MROH2B: variants seen among roughly 807,000 people sequenced by gnomAD.
MROH2B encodes the protein maestro heat like repeat family member 2B, also known as maestro heat-like repeat-containing protein family member 2B.
In MROH2B, 177 loss-of-function variants were observed where a neutral mutation model predicts 208.6. The ratio of observed to expected loss-of-function variants is 0.85; its 90% CI spans 0.75 to 0.96. The LOEUF (loss-of-function observed/expected upper bound fraction) is 0.96, where lower values mean the gene tolerates loss of function less well. Among genes scored for constraint, MROH2B ranks in the 40% least tolerant of loss-of-function variants. The pLI is 0.00. For synonymous variants in MROH2B, 728 were observed against 659.0 expected, an observed-to-expected ratio of 1.10 and a Z score of -1.60; for missense variants, 2,002 against 1,878.7, an observed-to-expected ratio of 1.07 and a Z score of -1.21.
intron 21 of MROH2B, 43 bp from the exon 22 acceptor site, chr5:41,033,907 A>G: frequency 6.5e-7 from 1 of 1,548,672 alleles, no homozygotes; most frequent in Non-Finnish European, 8.7e-7. Context: ...AATGAGTGGC[A>G]TTGAGAGATA....
At position 41,047,724 on chromosome 5, in the gene MROH2B, A is replaced by C. The variant is rs757823367; in HGVS notation, c.1725T>G (p.Leu575=). ...ISTVLWETML[L]QLLKESLWKI... ...TTATTCTAGAAGCCAGCCTTACCTG[A>C]AGCAGCATGGTTTCCCATAGAACGG... Residue 575 remains leucine, a synonymous_variant, in exon 17 of 42, where the codon CTT becomes CTG. Coordinates refer to ENST00000399564, the MANE Select transcript of MROH2B (RefSeq NM_173489.5). 1 of 1,595,158 alleles carries C rather than the reference A, an allele frequency of 6.3e-7. No homozygotes were observed. The highest frequency in any genetic ancestry group is 1.1e-5 in the South Asian group (1 of 87,598).
chr5:41,069,760 G>C lies in MROH2B; in HGVS notation c.29-8C>G, dbSNP rs756940079. The C allele has an allele frequency of 1.3e-6, 2 of 1,584,406 alleles. No homozygotes were observed. The highest frequency in any genetic ancestry group is 1.1e-5 in the South Asian group (1 of 87,954). ...TAATATCCCCAAACATCTCTAAAAC[G>C]TACAGAAAAATATGAATTGAAATAT... On this transcript the variant is annotated splice_region_variant and splice_polypyrimidine_tract_variant and intron_variant, in intron 1 of 41. Coordinates refer to ENST00000399564, the MANE Select transcript of MROH2B (RefSeq NM_173489.5).
At chr5:41,054,311 C>A (rs1192988844) in intron 11 of MROH2B, among the ~76,000 whole-genome samples, 1 of 152,176 alleles carries the variant, frequency 6.6e-6, no homozygotes, top group African/African-American at 2.4e-5. Flanking sequence ...GAATATTGAG[C>A]AATCCGCTAT....
At chr5:41,008,200 T>A (rs186976954) in intron 33 of MROH2B, among the ~76,000 whole-genome samples, 4 of 152,350 alleles carry the variant, frequency 2.6e-5, no homozygotes, top group African/African-American at 9.6e-5. Context: ...GTTTTCTCAA[T>A]GGTATGCAAA....
chr5:40,998,741 G>T (rs1741290715), intron 40 of MROH2B, 64 bp from the exon 41 acceptor site: 2 of 1,403,626 alleles, frequency 1.4e-6, no homozygotes, highest in Non-Finnish European at 9.9e-7. Flanking sequence ...GAAAAGTATA[G>T]CAGGTTAGAC....
At chr5:41,026,272 T>C (rs1742356672) in intron 24 of MROH2B, among the ~76,000 whole-genome samples, 1 of 152,190 alleles carries the variant, frequency 6.6e-6, no homozygotes, top group African/African-American at 2.4e-5. Context: ...GACATGATTG[T>C]ATATCTAGAA....
At chr5:41,005,705 C>G in intron 34 of MROH2B, 60 bp from the exon 35 acceptor site, 1 of 1,355,504 alleles carries the variant, frequency 7.4e-7, no homozygotes, top group African/African-American at 1.4e-5. Context: ...AAATCTTAGT[C>G]TGTTTGTTCA....
chr5:41,040,405 G>A (rs760306205), intron 19 of MROH2B, among the ~76,000 whole-genome samples: 19 of 152,138 alleles, frequency 1.2e-4, no homozygotes, highest in Non-Finnish European at 2.1e-4. Context: ...ATGAAAACTC[G>A]TAGACTAGAC....
Position 40,998,688 on chromosome 5 carries a change from T to C in MROH2B, c.4586-11A>G. The C allele has an allele frequency of 6.4e-7, 1 of 1,570,110 alleles. No individual in the cohort carries two copies. Among genetic ancestry groups the C allele is most frequent in the Non-Finnish European group, 8.7e-7 (1 of 1,155,220 alleles). On this transcript the variant is annotated splice_polypyrimidine_tract_variant and intron_variant, in intron 40 of 41. Coordinates refer to ENST00000399564, the MANE Select transcript of MROH2B (RefSeq NM_173489.5). ...TGAGAACAACGGCATCTAAAGTTAA[T>C]AGGAGACCATGTTACTGATTTCATT...
intron 24 of MROH2B, among the ~76,000 whole-genome samples, chr5:41,021,856 A>G (rs1414525695): frequency 6.6e-6 from 1 of 152,154 alleles, no homozygotes; most frequent in Non-Finnish European, 1.5e-5. Flanking sequence ...AGCCTGGATG[A>G]CAGAGTGAGA....
At chr5:41,046,982 T>C (rs1488122193) in intron 17 of MROH2B, among the ~76,000 whole-genome samples, 2 of 152,100 alleles carry the variant, frequency 1.3e-5, no homozygotes, top group African/African-American at 4.8e-5. Flanking sequence ...GGAAGGGAGA[T>C]AGGAGGCAGA....
At chr5:41,012,497 C>T in intron 30 of MROH2B, 86 bp downstream of exon 30, 3 of 1,413,868 alleles carry the variant, frequency 2.1e-6, no homozygotes, top group African/African-American at 1.4e-5. Flanking sequence ...TGCTGCCCAT[C>T]AGTGGACAAA....
rs1243113662 is a variant in MROH2B, at chr5:41,007,377, T to TC, written c.3685dup (p.Asp1229GlyfsTer11). 2.6e-6 allele frequency: 4 copies of TC among 1,550,920 alleles called. No individual in the cohort carries two copies. The highest frequency in any genetic ancestry group is 2.4e-5 in the East Asian group (1 of 41,696). ...ACTGCTGAGTAGAGTCCATAAGTTG[T>TC]CCCCCTCATCAGATTCCTTTGCAAG... is the stretch of plus-strand genomic sequence containing the variant. On this transcript the variant is annotated frameshift_variant, in exon 34 of 42. Coordinates refer to ENST00000399564, the MANE Select transcript of MROH2B (RefSeq NM_173489.5). LOFTEE classifies it high-confidence loss of function.
At chr5:41,029,160 C>T (rs978887172) in intron 24 of MROH2B, among the ~76,000 whole-genome samples, 1 of 151,988 alleles carries the variant, frequency 6.6e-6, no homozygotes, top group African/African-American at 2.4e-5. Flanking sequence ...TTGATAACAG[C>T]TATCTTAACA....
At chr5:40,998,565 C>T in intron 41 of MROH2B, 47 bp downstream of exon 41, 1 of 1,473,910 alleles carries the variant, frequency 6.8e-7, no homozygotes, top group Non-Finnish European at 9.3e-7. Flanking sequence ...TTTCTCTTTT[C>T]CTAAGAATGT....
Position 40,998,666 on chromosome 5 carries a change from GAAC to G in MROH2B, c.4594_4596del (p.Val1532del). On this transcript the variant is annotated inframe_deletion, in exon 41 of 42. Transcript: ENST00000399564. The stretch of plus-strand genomic sequence containing the variant: ...TCCACATATTGGCTGGTCAAATTGA[GAAC>G]AACGGCATCTAAAGTTAATAGGAGA... 1 of 1,584,778 alleles carries G rather than the reference GAAC, an allele frequency of 6.3e-7. No homozygotes were observed. The highest frequency in any genetic ancestry group is 1.3e-5 in the African/African-American group (1 of 74,574).
chr5:41,000,865 T>A (rs1741377207), intron 37 of MROH2B, 32 bp from the exon 38 acceptor site: 3 of 1,590,972 alleles, frequency 1.9e-6, no homozygotes, highest in Non-Finnish European at 2.6e-6. Context: ...GTGGTGAATA[T>A]CCTCTCAGAG....
In MROH2B at chr5:41,045,746, C is replaced by A. The variant is rs1416000045; in HGVS notation, c.1836G>T (p.Lys612Asn). Residue 612 changes from lysine (K) to asparagine (N), a missense_variant and splice_region_variant, in exon 18 of 42, where the codon AAG (lysine) becomes AAT (asparagine). Lys to Asn is a moderately conservative substitution (Grantham distance 94, BLOSUM62 0). Coordinates refer to ENST00000399564, the MANE Select transcript of MROH2B (RefSeq NM_173489.5). ...GTTTCCCCTCAGCTGAAAAACCAAC[C>A]TTCTCAGTGGAGTTATTGCTGTAAC... The part of the protein sequence containing the change: ...MGSYSNNSTE[K>N]KFLWKALGTT... The A allele has an allele frequency of 6.2e-7, 1 of 1,612,646 alleles. No individual in the cohort carries two copies.
At position 41,005,613 on chromosome 5, in the gene MROH2B, A is replaced by C. The variant is rs574287804; in HGVS notation, c.3782T>G (p.Leu1261Arg). The change falls in exon 35 of 42, where the codon CTG (leucine) becomes CGG (arginine). Residue 1261 changes from leucine to arginine, a missense_variant. By Grantham distance (102) the Leu-to-Arg change is moderately radical (BLOSUM62 -2). Coordinates refer to ENST00000399564, the MANE Select transcript of MROH2B (RefSeq NM_173489.5). The stretch of plus-strand genomic sequence containing the variant: ...TGAGAGCAGCTGTTCCATGATGTCC[A>C]GTATGACTCCGTGTTGCCACACTGC... ...SMAVWQHGVI[L>R]DIMEQLLSSL... 46 of 1,612,314 alleles carry C rather than the reference A, an allele frequency of 2.9e-5. No homozygotes were observed. The South Asian group carries it at 4.8e-4, about 17-fold the overall frequency.
Sources: gnomAD v4.1 joint callset for allele counts (sites outside exome capture counted in the v4.1 genomes callset) on GRCh38, gnomAD v4.1.1 for gene constraint, MANE v1.5 for transcripts, NCBI Gene and HGNC (gene_info 2026-07-23, HGNC 2026-07-21) for gene names.